ATG7: variants seen among roughly 807,000 people sequenced by gnomAD.
ATG7 encodes the protein ubiquitin-like modifier-activating enzyme ATG7.
Under a neutral mutation model 82.4 loss-of-function variants are expected in ATG7, and 70 were observed. That is an observed-to-expected ratio of 0.85 (90% CI 0.70 to 1.04). The LOEUF is 1.04. Ranked by LOEUF, ATG7 falls within the 50% of genes least tolerant of loss-of-function variation. The pLI is 0.00. For missense variants in ATG7, 792 were observed against 864.3 expected (o/e 0.92, Z 1.05); for synonymous variants, 287 against 313.0 (o/e 0.92, Z 0.88).
At chr3:11,309,142 CTT>C (rs1948233931) in intron 7 of ATG7, 81 bp downstream of exon 7, 1 of 1,307,520 alleles carries the variant, frequency 7.6e-7, no homozygotes, top group Non-Finnish European at 1.1e-6. Context: ...ACAGTCTGCT[CTT>C]CTCTCCGAAG....
intron 19 of ATG7, among the ~76,000 whole-genome samples, chr3:11,420,870 C>T (rs1331483031): frequency 4.6e-5 from 7 of 151,482 alleles, no homozygotes; most frequent in Admixed American, 2.0e-4. Context: ...ATTCTCCTGC[C>T]TCAGCCTCCT....
At chr3:11,563,978 C>CA in the ATG7 span, among the ~76,000 whole-genome samples, 1 of 152,194 alleles carries the variant, frequency 6.6e-6, no homozygotes, top group African/African-American at 2.4e-5. Flanking sequence ...CACAGGGACA[C>CA]AGAGGCTCTT....
At chr3:11,277,878 C>T (rs1036824398) in intron 1 of ATG7, among the ~76,000 whole-genome samples, 4 of 132,320 alleles carry the variant, frequency 3.0e-5, no homozygotes, top group Admixed American at 8.2e-5. Flanking sequence ...ACTCCCAGAG[C>T]GGCCCTTTAT....
intron 20 of ATG7, among the ~76,000 whole-genome samples, chr3:11,537,371 G>T (rs552139775): frequency 6.6e-6 from 1 of 152,100 alleles, no homozygotes; most frequent in Non-Finnish European, 1.5e-5. Context: ...TTAGTCTCTT[G>T]TCACCTCCAC....
intron 20 of ATG7, among the ~76,000 whole-genome samples, chr3:11,501,144 C>T (rs979440738): frequency 2.6e-5 from 4 of 152,148 alleles, no homozygotes; most frequent in African/African-American, 9.7e-5. Flanking sequence ...GTCCCAGCTA[C>T]CTGGGATGCT....
chr3:11,527,301 C>T lies in ATG7; in HGVS notation c.2080-27510C>T, dbSNP rs143782215. On this transcript the variant is annotated intron_variant, in intron 20 of 20. Coordinates refer to ENST00000693202, the MANE Select transcript of ATG7 (RefSeq NM_001349232.2). ...TGTATTTTTGGCAGAGATGGGGTTTCGCCATGTTGGCCAGGTTGAACTCCT... is the reference window on the plus strand; with the variant it reads ...TGTATTTTTGGCAGAGATGGGGTTTTGCCATGTTGGCCAGGTTGAACTCCT... 7.6e-3 allele frequency among the ~76,000 whole-genome samples: 1,156 copies of T among 152,014 alleles called. 15 individuals are homozygous for T. The highest frequency in any genetic ancestry group is 0.026 in the African/African-American group (1,072 of 41,472).
At chr3:11,575,221 C>A in the ATG7 span, among the ~76,000 whole-genome samples, 108 of 152,270 alleles carry the variant, frequency 7.1e-4, no homozygotes, top group African/African-American at 2.5e-3. Context: ...GTCTGTGGTG[C>A]GAGAGGGAAG....
At chr3:11,542,168 G>A (rs1286048091) in intron 20 of ATG7, among the ~76,000 whole-genome samples, 1 of 152,254 alleles carries the variant, frequency 6.6e-6, no homozygotes, top group Non-Finnish European at 1.5e-5. Flanking sequence ...ATGTCACTTG[G>A]TAGATCAGGA....
At chr3:11,561,020 C>T (rs1378859532), downstream of ATG7, among the ~76,000 whole-genome samples, 1 of 152,028 alleles carries the variant, frequency 6.6e-6, no homozygotes, top group East Asian at 1.9e-4. Flanking sequence ...GAGACCTGGA[C>T]ACGCACAGAG....
At chr3:11,428,608 A>G (rs1408837761) in intron 20 of ATG7, among the ~76,000 whole-genome samples, 1 of 152,126 alleles carries the variant, frequency 6.6e-6, no homozygotes, top group Non-Finnish European at 1.5e-5. Context: ...ACTTTAAGGT[A>G]TTTTTCCCCT....
chr3:11,301,888 ATAAT>A (rs1389266206), intron 5 of ATG7, among the ~76,000 whole-genome samples: 2 of 152,246 alleles, frequency 1.3e-5, no homozygotes, highest in Admixed American at 6.5e-5. Context: ...ATTCTTTAGA[ATAAT>A]TAATTAGAAA....
At chr3:11,413,478 C>T (rs1042484893) in intron 19 of ATG7, among the ~76,000 whole-genome samples, 4 of 152,008 alleles carry the variant, frequency 2.6e-5, no homozygotes, top group African/African-American at 4.8e-5. Flanking sequence ...ATTGGTTTTT[C>T]GTCCTTGCAT....
At chr3:11,314,591 G>A (rs1949131895) in intron 8 of ATG7, among the ~76,000 whole-genome samples, 1 of 152,038 alleles carries the variant, frequency 6.6e-6, no homozygotes, top group Admixed American at 6.6e-5. Context: ...ATAACCCTGT[G>A]AACATACTAA....
Position 11,527,006 on chromosome 3 carries a change from CTA to C in ATG7, c.2080-27796_2080-27795del, listed in dbSNP as rs545327369. ...ACTAATAGTGTGGTATATTAAATTA[CTA>C]TATATATAGTATATATATGTGTGTG... On this transcript the variant is annotated intron_variant, in intron 20 of 20. Coordinates refer to ENST00000693202, the MANE Select transcript of ATG7 (RefSeq NM_001349232.2). Among the ~76,000 whole-genome samples, 305 of 146,346 alleles carry C rather than the reference CTA, an allele frequency of 2.1e-3. 1 individual carries two copies. The highest frequency in any genetic ancestry group is 7.4e-3 in the African/African-American group (295 of 39,666).
chr3:11,538,708 T>TAAAAAA (rs1559815418), intron 20 of ATG7, among the ~76,000 whole-genome samples: 1 of 57,092 alleles, frequency 1.8e-5, no homozygotes, highest in Non-Finnish European at 3.3e-5. Flanking sequence ...AAAAAAAAAT[T>TAAAAAA]AGCCAAAAAA....
intron 3 of ATG7, among the ~76,000 whole-genome samples, chr3:11,285,083 C>T (rs1943746023): frequency 6.6e-6 from 1 of 151,164 alleles, no homozygotes; most frequent in South Asian, 2.1e-4. Context: ...ATCTCCTGAC[C>T]TCATGATTTG....
chr3:11,352,098 G>A (rs1003728247), intron 14 of ATG7, among the ~76,000 whole-genome samples: 6 of 150,734 alleles, frequency 4.0e-5, no homozygotes, highest in South Asian at 2.1e-4. Context: ...GAGAACACGC[G>A]GTGTTTGGTT....
intron 20 of ATG7, among the ~76,000 whole-genome samples, chr3:11,525,294 G>A (rs2092548015): frequency 6.6e-6 from 1 of 151,380 alleles, no homozygotes; most frequent in African/African-American, 2.5e-5. Flanking sequence ...ACCTCCCAAA[G>A]TGCTAGGATT....
chr3:11,310,655 C>T (rs547829107), intron 7 of ATG7, among the ~76,000 whole-genome samples: 4 of 145,628 alleles, frequency 2.7e-5, no homozygotes, highest in Non-Finnish European at 6.0e-5. Context: ...TTTTTTGAGA[C>T]GGAGTCTCGC....
Sources: allele counts gnomAD v4.1 joint callset (sites outside exome capture counted in the v4.1 genomes callset), GRCh38; gene constraint gnomAD v4.1.1; transcripts MANE v1.5; gene names NCBI Gene and HGNC (gene_info 2026-07-23, HGNC 2026-07-21).